ITPR2: variants seen among roughly 807,000 people sequenced by gnomAD.
ITPR2 encodes inositol 1,4,5-trisphosphate-gated calcium channel ITPR2.
A neutral mutation model predicts 317.1 loss-of-function variants in ITPR2; 207 were observed. The ratio of observed to expected loss-of-function variants is 0.65; its 90% CI spans 0.58 to 0.73. The LOEUF is 0.73. ITPR2 is among the 30% of genes least tolerant of loss of function. The pLI is 0.00. For synonymous variants in ITPR2, 1,156 were observed against 1,149.1 expected, an observed-to-expected ratio of 1.01 and a Z score of -0.12; for missense variants, 2,613 against 3,284.0, an observed-to-expected ratio of 0.80 and a Z score of 4.99.
At chr12:26,695,502 C>G in intron 10 of ITPR2, 104 bp downstream of exon 10, 3 of 924,224 alleles carry the variant, frequency 3.2e-6, no homozygotes, top group Non-Finnish European at 5.2e-6. Flanking sequence ...CAGAAAATCT[C>G]TCTGAGCCCC....
chr12:26,453,878 T>C (rs1941807333), intron 45 of ITPR2, among the ~76,000 whole-genome samples: 1 of 152,210 alleles, frequency 6.6e-6, no homozygotes, highest in Non-Finnish European at 1.5e-5. Flanking sequence ...CACTTGATTT[T>C]AATATGTCCT....
In ITPR2 at chr12:26,436,294, A is replaced by T; in HGVS notation, c.6696T>A (p.Ile2232=). Residue 2232 remains isoleucine (I), a synonymous_variant, in exon 48 of 57, where the codon ATT becomes ATA. Coordinates refer to ENST00000381340, the MANE Select transcript of ITPR2 (RefSeq NM_002223.4). ...FSRHISLWGS[I]SFNLAVFINL... is the part of the protein sequence containing the mutation. The stretch of plus-strand genomic sequence containing the variant: ...TGATGAACACAGCCAGGTTGAAGGA[A>T]ATGCTCCCCCAGAGAGAGATGTGCC... 2 of 1,613,488 alleles carry T rather than the reference A, an allele frequency of 1.2e-6. No individual in the cohort carries two copies. The highest frequency in any genetic ancestry group is 1.7e-6 in the Non-Finnish European group (2 of 1,179,628).
intron 1 of ITPR2, among the ~76,000 whole-genome samples, chr12:26,799,912 A>C (rs1950524866): frequency 6.6e-6 from 1 of 152,256 alleles, no homozygotes; most frequent in African/African-American, 2.4e-5. Flanking sequence ...AATCACCTGC[A>C]AAGAGCCAGA....
chr12:26,545,213 G>T (rs1290905983), intron 37 of ITPR2, among the ~76,000 whole-genome samples: 1 of 152,158 alleles, frequency 6.6e-6, no homozygotes, highest in East Asian at 1.9e-4. Flanking sequence ...CTGTAAACAT[G>T]TTACCTCACA....
At chr12:26,669,480 A>C (rs762393942) in intron 13 of ITPR2, among the ~76,000 whole-genome samples, 1 of 152,248 alleles carries the variant, frequency 6.6e-6, no homozygotes, top group Non-Finnish European at 1.5e-5. Flanking sequence ...AACAAAAATA[A>C]AACTCCTTTG....
chr12:26,664,598 T>G (rs1285182818), intron 14 of ITPR2, among the ~76,000 whole-genome samples: 3 of 152,190 alleles, frequency 2.0e-5, no homozygotes, highest in African/African-American at 7.2e-5. Context: ...CATTAATACA[T>G]GAAAACAAAA....
At chr12:26,425,730 CAG>C (rs1941040101) in intron 49 of ITPR2, among the ~76,000 whole-genome samples, 1 of 150,438 alleles carries the variant, frequency 6.6e-6, no homozygotes, top group African/African-American at 2.4e-5. Flanking sequence ...ACTGTACAAA[CAG>C]ATGTTCTATG....
At chr12:26,829,259 G>A (rs1341084083) in intron 1 of ITPR2, among the ~76,000 whole-genome samples, 1 of 151,948 alleles carries the variant, frequency 6.6e-6, no homozygotes, top group African/African-American at 2.4e-5. Flanking sequence ...GCACTGCCCT[G>A]TTTTCAAAGT....
intron 30 of ITPR2, 46 bp from the exon 31 acceptor site, chr12:26,597,180 C>T: frequency 1.2e-6 from 2 of 1,604,632 alleles, no homozygotes; most frequent in Non-Finnish European, 1.7e-6. Context: ...GAACATTCAT[C>T]CTTGCAGTTA....
intron 2 of ITPR2, among the ~76,000 whole-genome samples, chr12:26,776,599 G>A (rs1363211851): frequency 6.6e-6 from 1 of 152,194 alleles, no homozygotes; most frequent in Non-Finnish European, 1.5e-5. Flanking sequence ...TGTATGGGAG[G>A]ACCCTGATGA....
At chr12:26,386,217 C>A (rs1939659521) in intron 55 of ITPR2, among the ~76,000 whole-genome samples, 1 of 152,076 alleles carries the variant, frequency 6.6e-6, no homozygotes, top group Non-Finnish European at 1.5e-5. Flanking sequence ...AAAATGATTA[C>A]CTTTTTCCTC....
intron 52 of ITPR2, among the ~76,000 whole-genome samples, chr12:26,408,269 A>G (rs1326316585): frequency 1.3e-5 from 2 of 152,248 alleles, no homozygotes; most frequent in African/African-American, 4.8e-5. Flanking sequence ...AAATGAATGA[A>G]GGAATGAATA....
chr12:26,788,071 A>G (rs1228458401), intron 2 of ITPR2, among the ~76,000 whole-genome samples: 2 of 151,786 alleles, frequency 1.3e-5, no homozygotes, highest in African/African-American at 2.4e-5. Flanking sequence ...TACAGGCATG[A>G]GCCACCATGC....
rs374930108 is a variant in ITPR2 at position 26,621,127 on chromosome 12, A to G, written c.3458T>C (p.Ile1153Thr). ...ESQVKGGEEP[I>T]EESNILSPVQ... ...GAAATAGATCTTGAAACGAACCTCA[A>G]TTGGCTCTTCACCACCTTTCACTTG... Residue 1153 changes from isoleucine (I) to threonine (T), a missense_variant, in exon 26 of 57, where the codon ATT becomes ACT. Around this residue, in one of 9 missense-constraint regions of ITPR2, gnomAD observed 817 missense variants for 897.6 expected, o/e 0.91. Transcript: ENST00000381340. 35 of 1,612,408 alleles carry G rather than the reference A, an allele frequency of 2.2e-5. No homozygotes were observed. The highest frequency in any genetic ancestry group is 1.6e-4 in the Middle Eastern group (1 of 6,072).
At chr12:26,655,380 C>T (rs1283615329) in intron 20 of ITPR2, among the ~76,000 whole-genome samples, 1 of 151,892 alleles carries the variant, frequency 6.6e-6, no homozygotes, top group Admixed American at 6.6e-5. Flanking sequence ...TTTGGGAGGC[C>T]GGGGCAGGTG....
chr12:26,386,073 A>C (rs1939657001), intron 55 of ITPR2, among the ~76,000 whole-genome samples: 1 of 152,204 alleles, frequency 6.6e-6, no homozygotes, highest in Admixed American at 6.5e-5. Context: ...TCAAACTTTG[A>C]AAAAAGACAG....
chr12:26,616,895 T>TTA (rs1331773961), intron 26 of ITPR2, among the ~76,000 whole-genome samples: 1 of 152,150 alleles, frequency 6.6e-6, no homozygotes, highest in Non-Finnish European at 1.5e-5. Flanking sequence ...CCAATTCCAT[T>TTA]TAATAGAGAG....
At chr12:26,422,574 A>G (rs1171558711) in intron 49 of ITPR2, among the ~76,000 whole-genome samples, 1 of 152,198 alleles carries the variant, frequency 6.6e-6, no homozygotes, top group African/African-American at 2.4e-5. Flanking sequence ...AATGCCTAGA[A>G]GTGAACAATC....
chr12:26,466,512 C>T (rs1380439213), intron 45 of ITPR2, among the ~76,000 whole-genome samples: 1 of 152,116 alleles, frequency 6.6e-6, no homozygotes, highest in Non-Finnish European at 1.5e-5. Flanking sequence ...CTCATTCAAC[C>T]TCAAATTCTG....
Sources: allele counts gnomAD v4.1 joint callset (sites outside exome capture counted in the v4.1 genomes callset), GRCh38; gene constraint gnomAD v4.1.1; regional missense constraint gnomAD v4.1.1; transcripts MANE v1.5; gene names NCBI Gene and HGNC (gene_info 2026-07-23, HGNC 2026-07-21).